The following SOX6 variants were observed in gnomAD, a reference collection of about 807,000 sequenced individuals.
SOX6 encodes transcription factor SOX-6.
A neutral mutation model predicts 97.8 loss-of-function variants in SOX6; 11 were observed. The ratio of observed to expected loss-of-function variants is 0.11; its 90% CI spans 0.07 to 0.19. SOX6 has a LOEUF of 0.19. Ranked by LOEUF, SOX6 falls within the 10% of genes least tolerant of loss-of-function variation. SOX6 has a pLI of 1.00. For missense variants in SOX6, 810 were observed against 1,039.5 expected (o/e 0.78, Z 3.04); for synonymous variants, 360 against 371.4 (o/e 0.97, Z 0.35).
At chr11:16,640,695 C>A (rs901931157) in intron 3 of SOX6, among the ~76,000 whole-genome samples, 1 of 152,176 alleles carries the variant, frequency 6.6e-6, no homozygotes, top group Non-Finnish European at 1.5e-5. Flanking sequence ...AGTTAATTTG[C>A]GTAGAGGTGT....
chr11:15,972,874 CAT>C lies in SOX6; in HGVS notation c.2420_2421del (p.Tyr807Ter). On this transcript the variant is annotated frameshift_variant, in exon 16 of 16. Transcript: ENST00000683767. LOFTEE classifies it high-confidence loss of function. ...CTATAGTCTGATTTGGGGTCATCTT[CAT>C]AGTCATCATACATTTCCATTTCATC... is the stretch of plus-strand genomic sequence containing the variant. The part of the protein sequence containing the change: ...GEDEMEMYDD[Y>X]EDDPKSDYSS... 6.2e-7 allele frequency: 1 copy of C among 1,614,234 alleles called. No individual in the cohort carries two copies. Among genetic ancestry groups the C allele is most frequent in the Non-Finnish European group, 8.5e-7 (1 of 1,180,044 alleles).
At chr11:16,411,539 T>C (rs1284591350) in intron 1 of SOX6, among the ~76,000 whole-genome samples, 2 of 152,164 alleles carry the variant, frequency 1.3e-5, no homozygotes, top group African/African-American at 4.8e-5. Flanking sequence ...CAGGATATTA[T>C]TTTAATGTTG....
At chr11:16,241,623 G>A (rs1853196880) in intron 3 of SOX6, among the ~76,000 whole-genome samples, 1 of 151,956 alleles carries the variant, frequency 6.6e-6, no homozygotes, top group African/African-American at 2.4e-5. Context: ...CTTGATGAGA[G>A]TGGTCAATCA....
intron 1 of SOX6, among the ~76,000 whole-genome samples, chr11:16,362,205 T>C (rs534824089): frequency 6.6e-6 from 1 of 152,300 alleles, no homozygotes; most frequent in South Asian, 2.1e-4. Flanking sequence ...TAACAGTGAC[T>C]GCAAAATGGA....
At chr11:16,552,685 C>G (rs1847702009) in intron 4 of SOX6, among the ~76,000 whole-genome samples, 1 of 152,136 alleles carries the variant, frequency 6.6e-6, no homozygotes, top group Non-Finnish European at 1.5e-5. Context: ...AGGTTCAGGT[C>G]TCACAGCATA....
Position 15,972,797 on chromosome 11 carries a change from A to G in SOX6, c.*12T>C. 6.2e-7 allele frequency: 1 copy of G among 1,614,112 alleles called. No individual in the cohort carries two copies. Among genetic ancestry groups the G allele is most frequent in the Non-Finnish European group, 8.5e-7 (1 of 1,180,004 alleles). ...AATGTCAGAGTACTTTAATTCAGCA[A>G]ACAAAAACTCCTCAGTTGGCACTGA... On this transcript the variant is annotated 3_prime_UTR_variant, in exon 16 of 16. Transcript: ENST00000683767.
chr11:16,034,287 A>G (rs1855459783), intron 12 of SOX6, among the ~76,000 whole-genome samples: 1 of 152,216 alleles, frequency 6.6e-6, no homozygotes, highest in South Asian at 2.1e-4. Context: ...GCATTTTACA[A>G]GACACCCTTT....
chr11:16,435,364 T>C (rs1399168717), intron 1 of SOX6, among the ~76,000 whole-genome samples: 1 of 152,200 alleles, frequency 6.6e-6, no homozygotes, highest in Non-Finnish European at 1.5e-5. Flanking sequence ...TAAATTGTCT[T>C]CACATAATGA....
At chr11:16,112,028 C>T (rs972610641) in intron 6 of SOX6, 105 bp from the exon 7 acceptor site, 5 of 1,376,264 alleles carry the variant, frequency 3.6e-6, no homozygotes, top group East Asian at 2.4e-5. Flanking sequence ...CAGCCACCCA[C>T]CTCTAACCTC....
At chr11:16,496,581 G>T (rs1358947924) in intron 4 of SOX6, among the ~76,000 whole-genome samples, 2 of 152,204 alleles carry the variant, frequency 1.3e-5, no homozygotes, top group Admixed American at 6.5e-5. Flanking sequence ...AAAGAAAGGG[G>T]TGACAGACAA....
rs566773829 is a variant in SOX6 at position 16,169,490 on chromosome 11, C to T, written c.777+14396G>A. 1.4e-4 allele frequency among the ~76,000 whole-genome samples: 21 copies of T among 152,070 alleles called. 1 individual carries two copies. The South Asian group carries it at 4.4e-3, about 32-fold the overall frequency. On this transcript the variant is annotated intron_variant, in intron 6 of 15. Transcript: ENST00000683767. The stretch of plus-strand genomic sequence containing the variant: ...AATACAAGTTGAAAGGGAAAATGAT[C>T]AAGTTTACAAAGTCTTTTTTAAAAA...
intron 10 of SOX6, among the ~76,000 whole-genome samples, chr11:16,054,033 C>T (rs1199170808): frequency 1.3e-5 from 2 of 151,932 alleles, no homozygotes; most frequent in East Asian, 3.9e-4. Context: ...ATGGTCAAGT[C>T]AAATTACCCA....
At chr11:16,299,614 G>GC (rs1855196638) in intron 3 of SOX6, among the ~76,000 whole-genome samples, 2 of 152,112 alleles carry the variant, frequency 1.3e-5, no homozygotes, top group South Asian at 4.1e-4. Flanking sequence ...TTGCTAAAAT[G>GC]AATAGTCAAC....
chr11:16,505,048 A>G (rs1460786130), intron 4 of SOX6, among the ~76,000 whole-genome samples: 2 of 152,214 alleles, frequency 1.3e-5, no homozygotes, highest in African/African-American at 2.4e-5. Context: ...GGACATTTCT[A>G]TAAAGATACT....
At chr11:16,143,002 A>G (rs1850186806) in intron 6 of SOX6, among the ~76,000 whole-genome samples, 1 of 152,136 alleles carries the variant, frequency 6.6e-6, no homozygotes, top group Admixed American at 6.5e-5. Flanking sequence ...TACAGAGAAC[A>G]CCACAAAGAT....
upstream of SOX6, among the ~76,000 whole-genome samples, chr11:16,480,215 T>C (rs1179454826): frequency 2.0e-5 from 3 of 152,178 alleles, no homozygotes; most frequent in Non-Finnish European, 4.4e-5. Flanking sequence ...ATAGGTTCTT[T>C]TTACTTTATT....
At chr11:16,016,173 T>TA (rs1854876984) in intron 12 of SOX6, among the ~76,000 whole-genome samples, 1 of 152,104 alleles carries the variant, frequency 6.6e-6, no homozygotes, top group African/African-American at 2.4e-5. Flanking sequence ...AATTACTTGA[T>TA]AGAGTCTCTG....
At chr11:16,633,157 G>A (rs979889453) in intron 3 of SOX6, among the ~76,000 whole-genome samples, 2 of 152,112 alleles carry the variant, frequency 1.3e-5, no homozygotes, top group African/African-American at 2.4e-5. Context: ...GAGTTGAGAG[G>A]GCCCTGCCAC....
At chr11:16,322,602 T>C (rs1855961598) in intron 2 of SOX6, among the ~76,000 whole-genome samples, 1 of 152,202 alleles carries the variant, frequency 6.6e-6, no homozygotes, top group Non-Finnish European at 1.5e-5. Context: ...GTGAAGAGAC[T>C]TGAGACAATA....
Sources: gnomAD v4.1 joint callset for allele counts (sites outside exome capture counted in the v4.1 genomes callset) on GRCh38, gnomAD v4.1.1 for gene constraint, MANE v1.5 for transcripts, NCBI Gene and HGNC (gene_info 2026-07-23, HGNC 2026-07-21) for gene names.